Variants in DHX58 observed in about 807,000 individuals in gnomAD.
The protein encoded by DHX58 is DExH-box helicase 58.
DHX58 carries 51 observed loss-of-function variants against 65.0 expected under a neutral mutation model. The ratio of observed to expected loss-of-function variants is 0.78; its 90% CI spans 0.63 to 0.99. DHX58 has a LOEUF of 0.99. Among genes scored for constraint, DHX58 ranks in the 50% least tolerant of loss-of-function variants. The probability of loss-of-function intolerance (pLI) is 0.00; values close to 1 mark genes in which losing one functional copy is unlikely to be tolerated. For missense variants in DHX58, 773 were observed against 891.8 expected (o/e 0.87, Z 1.70); for synonymous variants, 350 against 365.0 (o/e 0.96, Z 0.47).
chr17:42,111,130 C>T (rs1170612840), intron 4 of DHX58, among the ~76,000 whole-genome samples, 166 bp downstream of exon 4: 3 of 152,202 alleles, frequency 2.0e-5, no homozygotes, highest in South Asian at 2.1e-4. Context: ...AGATCCTACA[C>T]GATAGCCCGG....
chr17:42,111,224 G>A (rs2054146242), intron 4 of DHX58, 72 bp downstream of exon 4: 5 of 1,549,262 alleles, frequency 3.2e-6, no homozygotes, highest in South Asian at 1.2e-5. Flanking sequence ...CTTGACTCCA[G>A]GAGGTGCCCT....
intron 11 of DHX58, among the ~76,000 whole-genome samples, 182 bp from the exon 12 acceptor site, chr17:42,103,980 T>G (rs1447256228): frequency 6.6e-6 from 1 of 152,034 alleles, no homozygotes; most frequent in Admixed American, 6.6e-5. Context: ...AATCCCAGCA[T>G]TTTGGGAGGC....
chr17:42,105,653 T>G, intron 9 of DHX58, 83 bp downstream of exon 9: 1 of 1,489,524 alleles, frequency 6.7e-7, no homozygotes, highest in Non-Finnish European at 8.9e-7. Flanking sequence ...TGCCCCCACC[T>G]CTCTGTGCTG....
chr17:42,103,751 T>TGCCTGGGCC lies in DHX58; in HGVS notation c.1602_1610dup (p.Ala537_Gln539dup). 1 of 1,612,378 alleles carries TGCCTGGGCC rather than the reference T, an allele frequency of 6.2e-7. No homozygotes were observed. The highest frequency in any genetic ancestry group is 8.5e-7 in the Non-Finnish European group (1 of 1,180,006). ...GCTGCCGCTGGTTCTCCCGCTGGGCTGCCTGGGCCGCCCGCTTGGTCAAGG... is the reference window on the plus strand; with the variant it reads ...GCTGCCGCTGGTTCTCCCGCTGGGCTGCCTGGGCCGCCTGGGCCGCCCGCTTGGTCAAGG... On this transcript the variant is annotated inframe_insertion, in exon 12 of 14. Coordinates refer to ENST00000251642, the MANE Select transcript of DHX58 (RefSeq NM_024119.3).
intron 5 of DHX58, among the ~76,000 whole-genome samples, chr17:42,110,494 G>A (rs1263058047): frequency 6.6e-6 from 1 of 152,234 alleles, no homozygotes; most frequent in African/African-American, 2.4e-5. Context: ...CAGGAAATGA[G>A]GTGGAGAGGT....
rs200691988 is a variant in DHX58, at chr17:42,111,410, G to T, written c.256C>A (p.Pro86Thr). The T allele has an allele frequency of 2.5e-6, 4 of 1,614,218 alleles. No homozygotes were observed. The Admixed American group carries it at 6.7e-5, about 27-fold the overall frequency. ...TVTTLSGDMG[P>T]RAGFGHLARC... ...GCCAGGTGGCCAAAGCCAGCACGTG[G>T]TCCCATGTCCCCACTCAGGGTTGTC... The change falls in exon 4 of 14, where the codon CCA (proline) becomes ACA (threonine). Residue 86 changes from proline (P) to threonine (T), a missense_variant. Transcript: ENST00000251642.
rs1352153917 is a variant in DHX58, at chr17:42,102,210, T to C, written c.1851+6A>G. On this transcript the variant is annotated splice_donor_region_variant and intron_variant, in intron 13 of 13. Coordinates refer to ENST00000251642, the MANE Select transcript of DHX58 (RefSeq NM_024119.3). The stretch of plus-strand genomic sequence containing the variant: ...CTGGGGCCTGGGACGTGGCCTAAGC[T>C]CTTACCTCCCCACAGTTCCTGCAGC... The C allele has an allele frequency of 6.2e-7, 1 of 1,613,930 alleles. No homozygotes were observed. Among genetic ancestry groups the C allele is most frequent in the Admixed American group, 1.7e-5 (1 of 59,988 alleles).
At position 42,110,623 on chromosome 17, in the gene DHX58, T is replaced by C; in HGVS notation, c.561+100A>G. The C allele has an allele frequency of 5.1e-6, 7 of 1,367,500 alleles. No homozygotes were observed. The South Asian group carries it at 5.7e-5, about 11-fold the overall frequency. The allele number at this position is 1,367,500 out of a possible 1,614,324, so 84.7% of individuals were successfully genotyped here. A position where few individuals can be genotyped will look rare whatever the true frequency, so the allele number is the denominator to read the frequency against. On this transcript the variant is annotated intron_variant, in intron 5 of 13. Coordinates refer to ENST00000251642, the MANE Select transcript of DHX58 (RefSeq NM_024119.3). ...GGGCCAGACCCTGCCATGGAGAGCC[T>C]GGTAGGGCTGGTGGGGACGGGGTAG...
chr17:42,103,159 T>C (rs2054003231), intron 12 of DHX58: 1 of 182,250 alleles, frequency 5.5e-6, no homozygotes, highest in Non-Finnish European at 1.1e-5. Flanking sequence ...TGCAACCTCC[T>C]CAATTGAGAA....
In DHX58 at chr17:42,107,917, CCGG is replaced by C. The variant is rs1555663164; in HGVS notation, c.805+62_805+64del. On this transcript the variant is annotated intron_variant, in intron 7 of 13. Coordinates refer to ENST00000251642, the MANE Select transcript of DHX58 (RefSeq NM_024119.3). ...AGGCCCCGCCCCAAAGGCCTCCGCC[CCGG>C]CAGGCCCCGCCCCTGACCACTCCCA... 795 of 1,606,530 alleles carry C rather than the reference CCGG, an allele frequency of 4.9e-4. 10 individuals carry two copies. The East Asian group carries it at 0.014, about 29-fold the overall frequency.
intron 11 of DHX58, 98 bp from the exon 12 acceptor site, chr17:42,103,896 A>G: frequency 7.4e-7 from 1 of 1,346,036 alleles, no homozygotes; most frequent in Non-Finnish European, 1.0e-6. Flanking sequence ...TGTACCTGGA[A>G]GAGACTTTCC....
At chr17:42,103,900 A>G (rs534421959) in intron 11 of DHX58, 102 bp from the exon 12 acceptor site, 1 of 1,270,266 alleles carries the variant, frequency 7.9e-7, no homozygotes, top group Non-Finnish European at 1.1e-6. Flanking sequence ...CCTGGAAGAG[A>G]CTTTCCTTAA....
In DHX58 at chr17:42,109,256, C is replaced by T. The variant is rs1555663527; in HGVS notation, c.678+14G>A. ...ACCGGCTCCCGCTCTCGCCGTGTCCCTGCCCCCGCGTACCTGGCTGCGCCT... is the reference window on the plus strand; with the variant it reads ...ACCGGCTCCCGCTCTCGCCGTGTCCTTGCCCCCGCGTACCTGGCTGCGCCT... On this transcript the variant is annotated intron_variant, in intron 6 of 13. Transcript: ENST00000251642. The T allele has an allele frequency of 6.2e-7, 1 of 1,606,132 alleles. No individual in the cohort carries two copies. The highest frequency in any genetic ancestry group is 2.2e-5 in the East Asian group (1 of 44,692).
Position 42,101,824 on chromosome 17 carries a change from G to T in DHX58, c.1974C>A (p.Ser658=), listed in dbSNP as rs376269986. The change falls in exon 14 of 14, where the codon TCC becomes TCA. Residue 658 remains serine (S), a synonymous_variant. Coordinates refer to ENST00000251642, the MANE Select transcript of DHX58 (RefSeq NM_024119.3). ...QAKKWSRVPF[S]VPDFDFLQHC... Reference sequence around the variant, plus strand: ...GCTGCAGGAAGTCAAAGTCAGGCACGGAGAAGGGCACGCGGGACCACTTTT... The same window carrying T: ...GCTGCAGGAAGTCAAAGTCAGGCACTGAGAAGGGCACGCGGGACCACTTTT... 1 of 1,614,250 alleles carries T rather than the reference G, an allele frequency of 6.2e-7. No homozygotes were observed. The highest frequency in any genetic ancestry group is 1.7e-5 in the Admixed American group (1 of 60,028).
intron 8 of DHX58, 108 bp from the exon 9 acceptor site, chr17:42,106,097 T>C: frequency 8.4e-7 from 1 of 1,196,334 alleles, no homozygotes; most frequent in Middle Eastern, 2.8e-4. Context: ...AGGTCAAGGC[T>C]GAAGAGAGCT....
rs147677021 is a variant in DHX58 at position 42,109,318 on chromosome 17, G to A, written c.630C>T (p.His210=). The A allele has an allele frequency of 3.9e-5, 63 of 1,613,920 alleles. 1 individual carries two copies. The Middle Eastern group carries it at 8.2e-4, about 21-fold the overall frequency. The change falls in exon 6 of 14, where the codon CAC becomes CAT. Residue 210 remains histidine, a synonymous_variant. Transcript: ENST00000251642. The stretch of plus-strand genomic sequence containing the variant: ...TGTACTGTTTGCAAGGCTGTTGGCT[G>A]TGCTCCTGCAGCTGGGGGCAGCAGT... ...PQNCCPQLQE[H]SQQPCKQYNL... is the part of the protein sequence containing the mutation.
intron 5 of DHX58, 138 bp from the exon 6 acceptor site, chr17:42,109,524 G>A: frequency 1.5e-6 from 1 of 677,158 alleles, no homozygotes; most frequent in Non-Finnish European, 2.5e-6. Flanking sequence ...CCCTCTCTGT[G>A]CCCGTCTTGT....
In DHX58 at chr17:42,104,917, C is replaced by T. The variant is rs1414249869; in HGVS notation, c.1412G>A (p.Arg471His). ...NEISMVQARGRARADQSVYAF... is the reference protein window; with the variant it reads ...NEISMVQARGHARADQSVYAF... Reference sequence around the variant, plus strand: ...GTATACACTCTGATCGGCCCGGGCACGGCCCCTGGCCTGGGAAGAGAGACA... The same window carrying T: ...GTATACACTCTGATCGGCCCGGGCATGGCCCCTGGCCTGGGAAGAGAGACA... The change falls in exon 11 of 14, where the codon CGT becomes CAT. Residue 471 changes from arginine to histidine, a missense_variant. By Grantham distance (29) the Arg-to-His change is conservative (BLOSUM62 0). Coordinates refer to ENST00000251642, the MANE Select transcript of DHX58 (RefSeq NM_024119.3). 6 of 1,614,024 alleles carry T rather than the reference C, an allele frequency of 3.7e-6. No homozygotes were observed. The highest frequency in any genetic ancestry group is 1.7e-5 in the Admixed American group (1 of 60,022).
intron 5 of DHX58, 54 bp from the exon 6 acceptor site, chr17:42,109,440 C>G: frequency 6.7e-7 from 1 of 1,498,056 alleles, no homozygotes; most frequent in Admixed American, 1.8e-5. Context: ...GGACAATGGT[C>G]AAAGATTTGG....
Sources: allele counts gnomAD v4.1 joint callset (sites outside exome capture counted in the v4.1 genomes callset), GRCh38; gene constraint gnomAD v4.1.1; transcripts MANE v1.5; gene names NCBI Gene and HGNC (gene_info 2026-07-23, HGNC 2026-07-21).